EIF3H: variants seen among roughly 807,000 people sequenced by gnomAD.
EIF3H encodes eukaryotic translation initiation factor 3 subunit H.
Under a neutral mutation model 44.2 loss-of-function variants are expected in EIF3H, and 26 were observed. The ratio of observed to expected loss-of-function variants is 0.59; its 90% confidence interval spans 0.43 to 0.82. EIF3H has a LOEUF of 0.82. Among genes scored for constraint, EIF3H ranks in the 40% least tolerant of loss-of-function variants. The pLI is 0.00. For missense variants in EIF3H, 359 were observed against 432.8 expected (o/e 0.83, Z 1.51); for synonymous variants, 166 against 151.9 (o/e 1.09, Z -0.68).
chr8:116,722,541 C>T (rs116112530), intron 2 of EIF3H, among the ~76,000 whole-genome samples: 89 of 152,258 alleles, frequency 5.8e-4, no homozygotes, highest in African/African-American at 2.1e-3. Flanking sequence ...TATTCTCATG[C>T]ATGTTTATAC....
At chr8:116,718,608 T>C (rs1397998806) in intron 2 of EIF3H, among the ~76,000 whole-genome samples, 1 of 151,910 alleles carries the variant, frequency 6.6e-6, no homozygotes, top group Admixed American at 6.6e-5. Context: ...TTATTCTAAG[T>C]GAAGTAACTC....
At chr8:116,740,609 C>T (rs1309640227) in intron 1 of EIF3H, among the ~76,000 whole-genome samples, 1 of 152,082 alleles carries the variant, frequency 6.6e-6, no homozygotes, top group Non-Finnish European at 1.5e-5. Flanking sequence ...AAACCTCTCA[C>T]TGCTGTCTTC....
rs140934332 is a variant in EIF3H, at chr8:116,741,683, C to T, written c.132+13983G>A. Among the ~76,000 whole-genome samples, 61 of 152,300 alleles carry T rather than the reference C, an allele frequency of 4.0e-4. 1 individual carries two copies. The East Asian group carries it at 0.011, about 26-fold the overall frequency. On this transcript the variant is annotated intron_variant, in intron 1 of 7. Transcript: ENST00000521861. ...AGCCTGAATTTCTCACATCAATCACCGTCAAAGAACAGCTATTACTGTAGA... is the reference window on the plus strand; with the variant it reads ...AGCCTGAATTTCTCACATCAATCACTGTCAAAGAACAGCTATTACTGTAGA...
chr8:116,735,113 A>C (rs1257231185), intron 1 of EIF3H, among the ~76,000 whole-genome samples: 3 of 152,230 alleles, frequency 2.0e-5, no homozygotes. Flanking sequence ...CAGAGGTAAA[A>C]AGAAAACTAT....
intron 1 of EIF3H, among the ~76,000 whole-genome samples, chr8:116,728,638 T>C (rs532270453): frequency 6.6e-6 from 1 of 152,032 alleles, no homozygotes; most frequent in East Asian, 1.9e-4. Flanking sequence ...ACTAATAAGA[T>C]TGGCAGACCT....
chr8:116,748,242 T>C (rs1030552789), intron 1 of EIF3H, among the ~76,000 whole-genome samples: 1 of 151,850 alleles, frequency 6.6e-6, no homozygotes, highest in Admixed American at 6.6e-5. Flanking sequence ...TGAATAACCA[T>C]CAGGTAGGTA....
At chr8:116,736,220 A>G (rs572883861) in intron 1 of EIF3H, among the ~76,000 whole-genome samples, 10 of 152,350 alleles carry the variant, frequency 6.6e-5, no homozygotes, top group African/African-American at 2.2e-4. Flanking sequence ...GTGGTTGCCT[A>G]GGGCCAAGGT....
rs572556207 is a variant in EIF3H, at chr8:116,699,068, G to C, written c.289+26948C>G. Among the ~76,000 whole-genome samples, 3 of 151,876 alleles carry C rather than the reference G, an allele frequency of 2.0e-5. No individual in the cohort carries two copies. The South Asian group carries it at 6.2e-4, about 32-fold the overall frequency. ...GAAGGCTGAGGTGGGAGAATGGCTT[G>C]AGCCCGGGAGGCGGAGGTTGCAGCA... On this transcript the variant is annotated intron_variant, in intron 2 of 7. Coordinates refer to ENST00000521861, the MANE Select transcript of EIF3H (RefSeq NM_003756.3).
intron 1 of EIF3H, among the ~76,000 whole-genome samples, chr8:116,749,614 G>A (rs1234227379): frequency 1.3e-5 from 2 of 152,188 alleles, no homozygotes; most frequent in Admixed American, 6.5e-5. Context: ...CTGACAGAAT[G>A]AAGACCCATT....
At chr8:116,672,364 G>A (rs988600271) in intron 2 of EIF3H, among the ~76,000 whole-genome samples, 5 of 152,290 alleles carry the variant, frequency 3.3e-5, no homozygotes, top group East Asian at 1.9e-4. Context: ...AGTGGCTCAC[G>A]CCCGTAATCC....
At chr8:116,751,505 T>G (rs1235293744) in intron 1 of EIF3H, among the ~76,000 whole-genome samples, 1 of 152,198 alleles carries the variant, frequency 6.6e-6, no homozygotes, top group Non-Finnish European at 1.5e-5. Flanking sequence ...TGGAAAATTC[T>G]AGAAATATAG....
At chr8:116,672,008 C>G (rs1813766586) in intron 2 of EIF3H, among the ~76,000 whole-genome samples, 1 of 152,168 alleles carries the variant, frequency 6.6e-6, no homozygotes, top group African/African-American at 2.4e-5. Context: ...TAAAAATAAC[C>G]TAATTTTTAA....
At chr8:116,715,992 G>C (rs1439662677) in intron 2 of EIF3H, among the ~76,000 whole-genome samples, 5 of 152,032 alleles carry the variant, frequency 3.3e-5, no homozygotes, top group African/African-American at 1.2e-4. Context: ...TATGAAGACT[G>C]AATCCACTCA....
intron 1 of EIF3H, among the ~76,000 whole-genome samples, chr8:116,737,050 ACAAATT>A (rs1389330533): frequency 2.0e-5 from 3 of 152,338 alleles, no homozygotes; most frequent in South Asian, 2.1e-4. Context: ...TTTACGTAAA[ACAAATT>A]CAAAGAAATT....
At chr8:116,657,584 C>G (rs1046713171) in intron 3 of EIF3H, 3 of 419,326 alleles carry the variant, frequency 7.2e-6, no homozygotes, top group African/African-American at 6.2e-5. Context: ...ATTCATTCCT[C>G]AGCAAGAACT....
intron 2 of EIF3H, among the ~76,000 whole-genome samples, chr8:116,660,825 A>G (rs1813574489): frequency 6.6e-6 from 1 of 152,240 alleles, no homozygotes; most frequent in South Asian, 2.1e-4. Context: ...ATACCAAACC[A>G]GTGTTTCTGT....
chr8:116,733,120 A>G (rs1046570850), intron 1 of EIF3H, among the ~76,000 whole-genome samples: 7 of 152,210 alleles, frequency 4.6e-5, no homozygotes, highest in African/African-American at 7.2e-5. Context: ...CACAGAATCC[A>G]GAGAAACACT....
At chr8:116,660,816 T>C (rs1007662476) in intron 2 of EIF3H, among the ~76,000 whole-genome samples, 1 of 152,202 alleles carries the variant, frequency 6.6e-6, no homozygotes, top group Admixed American at 6.5e-5. Context: ...ACACTTTGTA[T>C]ACCAAACCAG....
intron 1 of EIF3H, among the ~76,000 whole-genome samples, chr8:116,736,914 CA>C (rs1349342390): frequency 6.6e-6 from 1 of 151,962 alleles, no homozygotes; most frequent in Non-Finnish European, 1.5e-5. Flanking sequence ...CCTAGGTCAC[CA>C]AAAATAAATT....
Sources: allele counts gnomAD v4.1 joint callset (sites outside exome capture counted in the v4.1 genomes callset), GRCh38; gene constraint gnomAD v4.1.1; transcripts MANE v1.5; gene names NCBI Gene and HGNC (gene_info 2026-07-23, HGNC 2026-07-21).